The following PPM1D variants were observed in gnomAD, a reference collection of about 807,000 sequenced individuals.
The protein encoded by PPM1D is protein phosphatase 1D.
A neutral mutation model predicts 58.3 loss-of-function variants in PPM1D; 52 were observed. The observed-to-expected ratio is 0.89, with a 90% confidence interval of 0.71 to 1.12. The LOEUF is 1.12. Among genes scored for constraint, PPM1D ranks in the 50% most tolerant of loss-of-function variants. PPM1D has a pLI of 0.00. For synonymous variants in PPM1D, 278 were observed against 285.1 expected (o/e 0.98, Z 0.25); for missense variants, 564 against 777.2 (o/e 0.73, Z 3.26).
At chr17:60,640,575 A>G (rs2031114146) in intron 3 of PPM1D, among the ~76,000 whole-genome samples, 1 of 152,144 alleles carries the variant, frequency 6.6e-6, no homozygotes, top group Admixed American at 6.5e-5. Flanking sequence ...AAGTACATGT[A>G]CAGGTTTGTT....
chr17:60,618,892 T>C (rs1482283051), intron 1 of PPM1D, among the ~76,000 whole-genome samples: 1 of 152,218 alleles, frequency 6.6e-6, no homozygotes, highest in East Asian at 1.9e-4. Flanking sequence ...AGTTACCTTT[T>C]TTTGGTGGTG....
intron 1 of PPM1D, among the ~76,000 whole-genome samples, chr17:60,602,161 A>T (rs1431335619): frequency 2.0e-5 from 3 of 151,894 alleles, no homozygotes; most frequent in Non-Finnish European, 2.9e-5. Flanking sequence ...CATCCATCCC[A>T]GGGGCCCCTC....
intron 1 of PPM1D, among the ~76,000 whole-genome samples, chr17:60,615,228 C>A (rs1374206150): frequency 6.6e-6 from 1 of 151,980 alleles, no homozygotes; most frequent in African/African-American, 2.4e-5. Flanking sequence ...GGAACCCCCT[C>A]TGTACAAAAA....
intron 2 of PPM1D, among the ~76,000 whole-genome samples, chr17:60,629,014 A>G (rs953386207): frequency 1.2e-4 from 18 of 152,322 alleles, no homozygotes; most frequent in African/African-American, 4.1e-4. Flanking sequence ...ACATCTTTTC[A>G]TTACTGAGTA....
At chr17:60,606,361 T>G (rs964633979) in intron 1 of PPM1D, among the ~76,000 whole-genome samples, 1 of 152,236 alleles carries the variant, frequency 6.6e-6, no homozygotes, top group Admixed American at 6.5e-5. Flanking sequence ...AACATTGGTG[T>G]ACAAGCATTT....
intron 1 of PPM1D, among the ~76,000 whole-genome samples, chr17:60,601,357 C>A (rs948242718): frequency 6.6e-6 from 1 of 152,136 alleles, no homozygotes; most frequent in African/African-American, 2.4e-5. Flanking sequence ...CCAGATTGAC[C>A]CGGGATTGCT....
In PPM1D at chr17:60,663,391, AAT is replaced by A; in HGVS notation, c.1658_1659del (p.Asn553ArgfsTer6). On this transcript the variant is annotated frameshift_variant, in exon 6 of 6. Coordinates refer to ENST00000305921, the MANE Select transcript of PPM1D (RefSeq NM_003620.4). LOFTEE classifies it high-confidence loss of function. Reference sequence around the variant, plus strand: ...CCCCCTGATGAAGAAGCATAGACGAAATGGCTTAAGTCGAAGTAGTGGTGCTC... The same window carrying A: ...CCCCCTGATGAAGAAGCATAGACGAAGGCTTAAGTCGAAGTAGTGGTGCTC... ...SGPLMKKHRR[N>X]GLSRSSGAQP... is the part of the protein sequence containing the mutation. The A allele has an allele frequency of 6.2e-7, 1 of 1,614,190 alleles. No individual in the cohort carries two copies. Among genetic ancestry groups the A allele is most frequent in the Non-Finnish European group, 8.5e-7 (1 of 1,180,030 alleles).
At chr17:60,645,588 G>GTATATATATGTATATATATGTGTGTA (rs1567974769) in intron 3 of PPM1D, among the ~76,000 whole-genome samples, 4 of 132,134 alleles carry the variant, frequency 3.0e-5, no homozygotes, top group East Asian at 4.2e-4. Context: ...ATATATGTGT[G>GTATATATATGTATATATATGTGTGTA]TATATATATG....
At chr17:60,614,403 C>G (rs2030536798) in intron 1 of PPM1D, among the ~76,000 whole-genome samples, 1 of 152,124 alleles carries the variant, frequency 6.6e-6, no homozygotes, top group African/African-American at 2.4e-5. Flanking sequence ...ACTTGGAGAA[C>G]TTTTGTGTCT....
chr17:60,623,434 C>T, intron 1 of PPM1D, 87 bp from the exon 2 acceptor site: 1 of 1,268,748 alleles, frequency 7.9e-7, no homozygotes, highest in Non-Finnish European at 1.1e-6. Flanking sequence ...TGTTAACATG[C>T]TAATTCAGAG....
intron 5 of PPM1D, chr17:60,657,125 G>T: frequency 8.3e-7 from 1 of 1,210,438 alleles, no homozygotes. Context: ...AGTTTGTGAA[G>T]CACTTAAATA....
Position 60,663,698 on chromosome 17 carries a change from C to G in PPM1D, c.*146C>G. Reference sequence around the variant, plus strand: ...TTGGAATTCAGCAGTTTTATCCTGGCCTTGTACTTGCTTGTATTGTAAATG... The same window carrying G: ...TTGGAATTCAGCAGTTTTATCCTGGGCTTGTACTTGCTTGTATTGTAAATG... On this transcript the variant is annotated 3_prime_UTR_variant, in exon 6 of 6. Transcript: ENST00000305921. 1.2e-6 allele frequency: 1 copy of G among 808,842 alleles called. No homozygotes were observed. The highest frequency in any genetic ancestry group is 1.9e-5 in the South Asian group (1 of 52,888). 50.1% of individuals were successfully genotyped at this position (808,842 alleles called of 1,614,324 possible).
chr17:60,638,852 C>T (rs537319474), intron 3 of PPM1D, among the ~76,000 whole-genome samples: 2 of 152,160 alleles, frequency 1.3e-5, no homozygotes, highest in African/African-American at 4.8e-5. Context: ...TAGATGTCTC[C>T]TTGTCAACAT....
chr17:60,633,439 G>T (rs1180951075), intron 2 of PPM1D, among the ~76,000 whole-genome samples: 1 of 151,856 alleles, frequency 6.6e-6, no homozygotes, highest in Non-Finnish European at 1.5e-5. Flanking sequence ...CAAGAGTCTC[G>T]CTCTGTCATC....
At chr17:60,623,884 A>T (rs2030753110) in intron 2 of PPM1D, 135 bp downstream of exon 2, 1 of 802,824 alleles carries the variant, frequency 1.2e-6, no homozygotes, top group Non-Finnish European at 1.9e-6. Context: ...AGTTTGTCTG[A>T]TGTAATACTC....
chr17:60,606,915 G>A (rs117313735), intron 1 of PPM1D, among the ~76,000 whole-genome samples: 3,036 of 152,112 alleles, frequency 0.02, 52 homozygotes, highest in Non-Finnish European at 0.032. Context: ...TCCTGCCTCA[G>A]CCTCTGAAGT....
chr17:60,656,813 C>T lies in PPM1D; in HGVS notation c.1232C>T (p.Pro411Leu). 6.2e-7 allele frequency: 1 copy of T among 1,614,028 alleles called. No individual in the cohort carries two copies. Among genetic ancestry groups the T allele is most frequent in the Non-Finnish European group, 8.5e-7 (1 of 1,179,974 alleles). Residue 411 changes from proline (P) to leucine (L), a missense_variant, in exon 5 of 6, where the codon CCT becomes CTT. Transcript: ENST00000305921. The stretch of plus-strand genomic sequence containing the variant: ...AGTCAAGAAACCTGTGTGATGACTC[C>T]TTCCCCATGTTCTACACCACCAGTC... ...YNSQETCVMTPSPCSTPPVKS... is the reference protein window; with the variant it reads ...YNSQETCVMTLSPCSTPPVKS...
intron 1 of PPM1D, among the ~76,000 whole-genome samples, chr17:60,616,187 C>G (rs2030580327): frequency 6.7e-6 from 1 of 150,204 alleles, no homozygotes; most frequent in Non-Finnish European, 1.5e-5. Context: ...ACTCTGGAAG[C>G]TGAGGCACAA....
intron 3 of PPM1D, among the ~76,000 whole-genome samples, chr17:60,635,164 C>A (rs2030999538): frequency 6.6e-6 from 1 of 151,916 alleles, no homozygotes; most frequent in Non-Finnish European, 1.5e-5. Flanking sequence ...TATATCCAAG[C>A]ATTTGCTATT....
Sources: allele counts gnomAD v4.1 joint callset (sites outside exome capture counted in the v4.1 genomes callset), GRCh38; gene constraint gnomAD v4.1.1; transcripts MANE v1.5; gene names NCBI Gene and HGNC (gene_info 2026-07-23, HGNC 2026-07-21).